PARP8: variants seen among roughly 807,000 people sequenced by gnomAD.
The protein encoded by PARP8 is protein mono-ADP-ribosyltransferase PARP8.
A neutral mutation model predicts 124.1 loss-of-function variants in PARP8; 51 were observed. That is an observed-to-expected ratio of 0.41 (90% CI 0.33 to 0.52). PARP8 has a LOEUF of 0.52. PARP8 is among the 20% of genes least tolerant of loss of function. The pLI, the probability that PARP8 is intolerant of heterozygous loss-of-function variation, is 0.21. For synonymous variants in PARP8, 391 were observed against 361.5 expected (o/e 1.08, Z -0.93); for missense variants, 860 against 1,018.9 (o/e 0.84, Z 2.12).
chr5:50,806,162 GTA>G (rs1205568318), intron 14 of PARP8, among the ~76,000 whole-genome samples: 2 of 151,864 alleles, frequency 1.3e-5, no homozygotes, highest in African/African-American at 4.8e-5. Context: ...ACTCTCTGAG[GTA>G]TATATTATTA....
At chr5:50,703,327 G>A (rs1289543777) in intron 2 of PARP8, among the ~76,000 whole-genome samples, 4 of 151,590 alleles carry the variant, frequency 2.6e-5, no homozygotes, top group South Asian at 2.1e-4. Context: ...TCTTGTAAAG[G>A]CAGATTAACA....
chr5:50,828,791 G>A (rs1438813973), intron 21 of PARP8, among the ~76,000 whole-genome samples: 1 of 151,530 alleles, frequency 6.6e-6, no homozygotes, highest in Non-Finnish European at 1.5e-5. Flanking sequence ...GAAGCTAATT[G>A]GGAGAATAAT....
intron 9 of PARP8, among the ~76,000 whole-genome samples, chr5:50,783,027 G>A (rs555765085): frequency 6.6e-6 from 1 of 152,196 alleles, no homozygotes; most frequent in African/African-American, 2.4e-5. Context: ...ACCATGTCAG[G>A]AGTTGCTCTG....
chr5:50,824,758 G>T, intron 17 of PARP8, 150 bp from the exon 18 acceptor site: 1 of 631,458 alleles, frequency 1.6e-6, no homozygotes, highest in East Asian at 2.8e-5. Flanking sequence ...TGGGAGAAAA[G>T]ACTAGGGCAA....
At chr5:50,722,330 T>C (rs1278458048) in intron 2 of PARP8, among the ~76,000 whole-genome samples, 2 of 152,072 alleles carry the variant, frequency 1.3e-5, no homozygotes, top group East Asian at 3.9e-4. Flanking sequence ...TTAAAAGATA[T>C]GGTATATACT....
chr5:50,842,786 A>G lies in PARP8; in HGVS notation c.*718A>G, dbSNP rs1476481082. On this transcript the variant is annotated 3_prime_UTR_variant, in exon 26 of 26. Transcript: ENST00000281631. ...GCAATAAATTTGGACATAAATCAAGATATGAGCCAGATTTACCACCATTCA... is the reference window on the plus strand; with the variant it reads ...GCAATAAATTTGGACATAAATCAAGGTATGAGCCAGATTTACCACCATTCA... 6.6e-6 allele frequency: 1 copy of G among 151,714 alleles called. No homozygotes were observed. The highest frequency in any genetic ancestry group is 1.9e-4 in the East Asian group (1 of 5,172). 9.4% of individuals were successfully genotyped at this position (151,714 alleles called of 1,614,324 possible).
chr5:50,811,269 AG>A (rs1331293605), intron 14 of PARP8, among the ~76,000 whole-genome samples: 2 of 152,132 alleles, frequency 1.3e-5, no homozygotes, highest in African/African-American at 4.8e-5. Flanking sequence ...AGAACTTTCA[AG>A]ATTGGAATAT....
chr5:50,747,481 C>T (rs779087754), intron 2 of PARP8, among the ~76,000 whole-genome samples: 4 of 151,678 alleles, frequency 2.6e-5, no homozygotes, highest in Non-Finnish European at 5.9e-5. Context: ...CCATTAATTA[C>T]TCAAATTATG....
At chr5:50,781,984 G>A (rs1250428649) in intron 9 of PARP8, among the ~76,000 whole-genome samples, 1 of 152,160 alleles carries the variant, frequency 6.6e-6, no homozygotes, top group East Asian at 1.9e-4. Context: ...TCTGCACTCA[G>A]GGTCTGCTTC....
At chr5:50,718,057 T>C (rs1340939413) in intron 2 of PARP8, among the ~76,000 whole-genome samples, 1 of 151,990 alleles carries the variant, frequency 6.6e-6, no homozygotes, top group African/African-American at 2.4e-5. Context: ...TTATACTAGG[T>C]TATATCAGAA....
At chr5:50,774,341 G>A (rs1402802082) in intron 7 of PARP8, among the ~76,000 whole-genome samples, 1 of 152,136 alleles carries the variant, frequency 6.6e-6, no homozygotes, top group African/African-American at 2.4e-5. Context: ...CGTTCTCGAT[G>A]GTCACTGTCT....
At chr5:50,689,188 C>A (rs1195904761) in intron 2 of PARP8, among the ~76,000 whole-genome samples, 2 of 152,044 alleles carry the variant, frequency 1.3e-5, no homozygotes, top group African/African-American at 2.4e-5. Context: ...CTCTTTGAAA[C>A]TGTAAACTGT....
intron 3 of PARP8, among the ~76,000 whole-genome samples, chr5:50,755,673 T>C (rs576666127): frequency 6.6e-6 from 1 of 152,344 alleles, no homozygotes; most frequent in African/African-American, 2.4e-5. Context: ...GGCTGTTTTT[T>C]GGTTCCATAT....
intron 5 of PARP8, among the ~76,000 whole-genome samples, chr5:50,761,132 T>A (rs1159529567): frequency 6.6e-6 from 1 of 152,146 alleles, no homozygotes; most frequent in Non-Finnish European, 1.5e-5. Context: ...AAACACTGGA[T>A]GAATGGATTC....
chr5:50,760,201 C>G, intron 4 of PARP8, 91 bp from the exon 5 acceptor site: 1 of 1,124,432 alleles, frequency 8.9e-7, no homozygotes, highest in South Asian at 2.0e-5. Context: ...ATGGAATCAC[C>G]TAAAGGGTAG....
In PARP8 at chr5:50,829,935, T is replaced by A. The variant is rs766522000; in HGVS notation, c.2207T>A (p.Met736Lys). ...GGAAGTGGAATCTATCTTAGTCCAA[T>A]GTCAAGCATATCATTTGGTTACTCA... is the stretch of plus-strand genomic sequence containing the variant. ...MYGSGIYLSP[M>K]SSISFGYSGM... is the part of the protein sequence containing the mutation. Residue 736 changes from methionine (M) to lysine (K), a missense_variant, in exon 22 of 26, where the codon ATG becomes AAG. By Grantham distance (95) the Met-to-Lys change is moderately conservative. Coordinates refer to ENST00000281631, the MANE Select transcript of PARP8 (RefSeq NM_024615.4). 3 of 1,609,514 alleles carry A rather than the reference T, an allele frequency of 1.9e-6. No individual in the cohort carries two copies. The highest frequency in any genetic ancestry group is 2.5e-6 in the Non-Finnish European group (3 of 1,177,562).
intron 7 of PARP8, among the ~76,000 whole-genome samples, chr5:50,775,499 G>A (rs1414771886): frequency 2.0e-5 from 3 of 152,194 alleles, no homozygotes; most frequent in Non-Finnish European, 2.9e-5. Context: ...AGGTTGCGGC[G>A]AGCCGAGATC....
chr5:50,730,844 G>A (rs1262656588), intron 2 of PARP8, among the ~76,000 whole-genome samples: 1 of 152,158 alleles, frequency 6.6e-6, no homozygotes, highest in Non-Finnish European at 1.5e-5. Flanking sequence ...GTTAATAGAT[G>A]AAGAAATTAC....
At position 50,797,792 on chromosome 5, in the gene PARP8, A is replaced by AT. The variant is rs1031044556; in HGVS notation, c.1575+567dup. ...GAGAGAACGATTCAATTTTAAAATG[A>AT]TTTTTTTTGGAATTTTTATTGCTAA... is the stretch of plus-strand genomic sequence containing the variant. On this transcript the variant is annotated intron_variant, in intron 14 of 25. Coordinates refer to ENST00000281631, the MANE Select transcript of PARP8 (RefSeq NM_024615.4). 1.4e-4 allele frequency among the ~76,000 whole-genome samples: 21 copies of AT among 152,132 alleles called. No individual in the cohort carries two copies. In the East Asian group the frequency reaches 3.3e-3, roughly 24 times the overall value.
Sources: gnomAD v4.1 joint callset for allele counts (sites outside exome capture counted in the v4.1 genomes callset) on GRCh38, gnomAD v4.1.1 for gene constraint, MANE v1.5 for transcripts, NCBI Gene and HGNC (gene_info 2026-07-23, HGNC 2026-07-21) for gene names.